PPFIBP2: variants seen among roughly 807,000 people sequenced by gnomAD.
The protein encoded by PPFIBP2 is liprin-beta-2.
In PPFIBP2, 118 loss-of-function variants were observed where a neutral mutation model predicts 118.3. The observed-to-expected ratio is 1.00, with a 90% CI of 0.86 to 1.16. The LOEUF is 1.16. PPFIBP2 is among the 50% of genes most tolerant of loss of function. The probability of loss-of-function intolerance (pLI) is 0.00; values close to 1 mark genes in which losing one functional copy is unlikely to be tolerated. For missense variants in PPFIBP2, 1,195 were observed against 1,073.1 expected, an observed-to-expected ratio of 1.11 and a Z score of -1.59; for synonymous variants, 414 against 397.4, an observed-to-expected ratio of 1.04 and a Z score of -0.50.
intron 2 of PPFIBP2, among the ~76,000 whole-genome samples, chr11:7,559,921 T>TA (rs908337791): frequency 3.9e-5 from 6 of 152,172 alleles, no homozygotes; most frequent in African/African-American, 1.2e-4. Flanking sequence ...GGCTCCATGT[T>TA]AAAAAATAAA....
Position 7,540,981 on chromosome 11 carries a change from A to G in PPFIBP2, c.-36-8459A>G, listed in dbSNP as rs78645989. Among the ~76,000 whole-genome samples, 875 of 152,270 alleles carry G rather than the reference A, an allele frequency of 5.7e-3. 12 individuals carry two copies. Among genetic ancestry groups the G allele is most frequent in the African/African-American group, 0.02 (819 of 41,566 alleles). On this transcript the variant is annotated intron_variant, in intron 1 of 23. Coordinates refer to ENST00000299492, the MANE Select transcript of PPFIBP2 (RefSeq NM_003621.5). ...ATGGGGCAGAGGTCTGCCAAAAGGT[A>G]TGTATGGTAAAAGTTAAAGCCGTGA...
At chr11:7,626,448 C>T (rs533940446) in intron 8 of PPFIBP2, among the ~76,000 whole-genome samples, 12 of 152,198 alleles carry the variant, frequency 7.9e-5, no homozygotes, top group Non-Finnish European at 1.6e-4. Flanking sequence ...ATTCATCATC[C>T]TTCCTTTTTC....
chr11:7,549,461 C>G lies in PPFIBP2; in HGVS notation c.-15C>G. 1 of 1,556,402 alleles carries G rather than the reference C, an allele frequency of 6.4e-7. No individual in the cohort carries two copies. The highest frequency in any genetic ancestry group is 8.7e-7 in the Non-Finnish European group (1 of 1,149,518). On this transcript the variant is annotated 5_prime_UTR_variant, in exon 2 of 24. Transcript: ENST00000299492. ...TCAGTAAGAAGAGGAGGAGGCCAGG[C>G]AGGCAAAAGGAGTCATGGCTTCTGA...
intron 4 of PPFIBP2, among the ~76,000 whole-genome samples, chr11:7,596,930 A>G (rs984754438): frequency 6.6e-6 from 1 of 152,228 alleles, no homozygotes; most frequent in Non-Finnish European, 1.5e-5. Context: ...TTCTTCAGAA[A>G]GATGACTTTT....
intron 2 of PPFIBP2, among the ~76,000 whole-genome samples, chr11:7,558,961 T>C (rs1262801933): frequency 1.3e-5 from 2 of 152,170 alleles, no homozygotes; most frequent in African/African-American, 4.8e-5. Flanking sequence ...AGCTTAAGCA[T>C]CATTTTAGTA....
intron 12 of PPFIBP2, among the ~76,000 whole-genome samples, chr11:7,633,934 A>AT (rs1234305650): frequency 1.3e-5 from 2 of 152,154 alleles, no homozygotes; most frequent in Non-Finnish European, 2.9e-5. Context: ...CTCTTGACAC[A>AT]TTTGGTGCCT....
intron 3 of PPFIBP2, among the ~76,000 whole-genome samples, chr11:7,588,745 G>C (rs1490592072): frequency 6.6e-6 from 1 of 152,238 alleles, no homozygotes; most frequent in East Asian, 1.9e-4. Context: ...CCTCTTGAGA[G>C]CAACACTTGA....
intron 5 of PPFIBP2, among the ~76,000 whole-genome samples, chr11:7,604,738 G>T (rs1309409398): frequency 6.6e-6 from 1 of 152,212 alleles, no homozygotes; most frequent in African/African-American, 2.4e-5. Flanking sequence ...GGGAGCTGAT[G>T]GTGAGGGAGA....
chr11:7,612,769 G>C (rs983906918), intron 6 of PPFIBP2, among the ~76,000 whole-genome samples: 1 of 152,208 alleles, frequency 6.6e-6, no homozygotes, highest in Non-Finnish European at 1.5e-5. Flanking sequence ...GTGATAATCA[G>C]TGAGCAGCCA....
At chr11:7,562,578 C>T (rs748552022) in intron 2 of PPFIBP2, among the ~76,000 whole-genome samples, 3 of 152,116 alleles carry the variant, frequency 2.0e-5, no homozygotes, top group East Asian at 1.9e-4. Context: ...GGGTCACTGA[C>T]GGCTTCTTGG....
At chr11:7,589,160 G>A (rs1254154391) in intron 3 of PPFIBP2, among the ~76,000 whole-genome samples, 1 of 152,216 alleles carries the variant, frequency 6.6e-6, no homozygotes, top group Non-Finnish European at 1.5e-5. Flanking sequence ...GTCTAGCCTA[G>A]TGGCTAATGT....
chr11:7,607,138 C>G (rs1847471839), intron 5 of PPFIBP2, among the ~76,000 whole-genome samples: 1 of 150,602 alleles, frequency 6.6e-6, no homozygotes, highest in Non-Finnish European at 1.5e-5. Context: ...TCTCAATCTC[C>G]TGACCTCGTG....
intron 1 of PPFIBP2, among the ~76,000 whole-genome samples, chr11:7,535,941 G>A (rs963535810): frequency 4.6e-5 from 7 of 152,094 alleles, no homozygotes; most frequent in African/African-American, 1.4e-4. Flanking sequence ...TGAGGGACCC[G>A]GAGAGCGCTT....
chr11:7,618,885 G>GTTTTTTTT (rs36101082), intron 6 of PPFIBP2, among the ~76,000 whole-genome samples: 3 of 124,538 alleles, frequency 2.4e-5, no homozygotes, highest in Non-Finnish European at 3.3e-5. Flanking sequence ...CCATCCAGAA[G>GTTTTTTTT]TTTTTTTTTT....
intron 2 of PPFIBP2, among the ~76,000 whole-genome samples, chr11:7,558,743 A>G (rs997386464): frequency 1.7e-4 from 26 of 151,920 alleles, no homozygotes; most frequent in Non-Finnish European, 3.2e-4. Context: ...GTAACAGAGC[A>G]ACTCTGTCTC....
intron 7 of PPFIBP2, among the ~76,000 whole-genome samples, chr11:7,623,972 C>A (rs1849658175): frequency 6.6e-6 from 1 of 152,222 alleles, no homozygotes; most frequent in South Asian, 2.1e-4. Context: ...ACAGCAGGAC[C>A]CAGCTCTTGG....
downstream of PPFIBP2, chr11:7,656,844 G>A (rs762429743): frequency 1.3e-5 from 16 of 1,269,420 alleles, no homozygotes; most frequent in South Asian, 6.2e-5. Flanking sequence ...TGGGGGCCCC[G>A]GAGCCTTTGC....
chr11:7,577,608 T>C (rs1054733477), intron 3 of PPFIBP2: 1 of 456,500 alleles, frequency 2.2e-6, no homozygotes, highest in Non-Finnish European at 4.4e-6. Context: ...GGGACATTGA[T>C]GTTTACAAGC....
chr11:7,594,916 CAAAAAAAAAAAAAA>C (rs58084975), intron 4 of PPFIBP2, among the ~76,000 whole-genome samples: 1 of 64,048 alleles, frequency 1.6e-5, no homozygotes, highest in Non-Finnish European at 3.1e-5. Context: ...GACTCCATCT[CAAAAAAAAAAAAAA>C]AAAAAAAGAA....
Sources: gnomAD v4.1 joint callset for allele counts (sites outside exome capture counted in the v4.1 genomes callset) on GRCh38, gnomAD v4.1.1 for gene constraint, MANE v1.5 for transcripts, NCBI Gene and HGNC (gene_info 2026-07-23, HGNC 2026-07-21) for gene names.